UGT1A7: variants seen among roughly 807,000 people sequenced by gnomAD.
UGT1A7 encodes UDP glucuronosyltransferase family 1 member A7, also known as UDP-glucuronosyltransferase 1A7.
Under a neutral mutation model 45.6 loss-of-function variants are expected in UGT1A7, and 33 were observed. The observed-to-expected ratio is 0.72, with a 90% CI of 0.55 to 0.97. The LOEUF (loss-of-function observed/expected upper bound fraction) is 0.97. Ranked by LOEUF, UGT1A7 falls within the 50% of genes least tolerant of loss-of-function variation. The pLI, the probability that UGT1A7 is intolerant of heterozygous loss-of-function variation, is 0.00. For missense variants in UGT1A7, 684 were observed against 666.2 expected, an observed-to-expected ratio of 1.03 and a Z score of -0.29; for synonymous variants, 274 against 250.6, an observed-to-expected ratio of 1.09 and a Z score of -0.88.
chr2:233,745,781 C>A (rs1693207389), intron 1 of UGT1A7, among the ~76,000 whole-genome samples: 1 of 150,162 alleles, frequency 6.7e-6, no homozygotes, highest in Non-Finnish European at 1.5e-5. Flanking sequence ...TGAGCTTAGA[C>A]AGGGGGGCTG....
At chr2:233,700,761 G>A (rs1358984875) in intron 1 of UGT1A7, among the ~76,000 whole-genome samples, 1 of 151,532 alleles carries the variant, frequency 6.6e-6, no homozygotes, top group East Asian at 1.9e-4. Context: ...TAGGGTACAT[G>A]TGCACAACGT....
chr2:233,708,213 A>G (rs1473084405), intron 1 of UGT1A7, among the ~76,000 whole-genome samples: 1 of 152,212 alleles, frequency 6.6e-6, no homozygotes, highest in Non-Finnish European at 1.5e-5. Context: ...AGGCATTAAC[A>G]ATTTATTCTT....
intron 1 of UGT1A7, chr2:233,691,042 C>T (rs1369045618): frequency 5.1e-6 from 5 of 989,126 alleles, no homozygotes; most frequent in South Asian, 9.3e-5. Flanking sequence ...CCAACGTCCA[C>T]AGCAGAGTGG....
At position 233,682,363 on chromosome 2, in the gene UGT1A7, T is replaced by C; in HGVS notation, c.426T>C (p.Phe142=). The C allele has an allele frequency of 6.2e-7, 1 of 1,614,138 alleles. No homozygotes were observed. Among genetic ancestry groups the C allele is most frequent in the Non-Finnish European group, 8.5e-7 (1 of 1,179,974 alleles). The change falls in exon 1 of 5, where the codon TTT becomes TTC. Residue 142 remains phenylalanine (F), a synonymous_variant. Coordinates refer to ENST00000373426, the MANE Select transcript of UGT1A7 (RefSeq NM_019077.3). ...KLVEYLKESC[F]DAVFLDPFDA... Reference sequence around the variant, plus strand: ...TAGAATACTTAAAGGAGAGTTGTTTTGATGCAGTGTTTCTCGATCCTTTTG... The same window carrying C: ...TAGAATACTTAAAGGAGAGTTGTTTCGATGCAGTGTTTCTCGATCCTTTTG...
At chr2:233,757,558 A>ATATATATATATG (rs1553619909) in intron 1 of UGT1A7, among the ~76,000 whole-genome samples, 2 of 124,446 alleles carry the variant, frequency 1.6e-5, no homozygotes, top group East Asian at 4.2e-4. Context: ...ATATATATAT[A>ATATATATATATG]TATGTATATA....
intron 1 of UGT1A7, among the ~76,000 whole-genome samples, chr2:233,688,167 A>G (rs986637125): frequency 6.6e-6 from 1 of 152,182 alleles, no homozygotes; most frequent in African/African-American, 2.4e-5. Flanking sequence ...TGGGCATTTC[A>G]TGGAAATGGA....
chr2:233,697,214 T>C (rs919890050), intron 1 of UGT1A7, among the ~76,000 whole-genome samples: 2 of 152,152 alleles, frequency 1.3e-5, no homozygotes, highest in Non-Finnish European at 2.9e-5. Flanking sequence ...GTCCTGGGCT[T>C]TTCTTTGATG....
chr2:233,713,745 G>C, intron 1 of UGT1A7: 1 of 1,613,988 alleles, frequency 6.2e-7, no homozygotes, highest in African/African-American at 1.3e-5. Flanking sequence ...TGTCAGCCAT[G>C]CATCTGTGTG....
intron 1 of UGT1A7, chr2:233,717,933 C>G (rs1291638517): frequency 2.2e-6 from 1 of 454,480 alleles, no homozygotes; most frequent in Non-Finnish European, 4.4e-6. Context: ...ATACTTCAGT[C>G]TCTATGCAGA....
Position 233,769,043 on chromosome 2 carries a change from C to T in UGT1A7, c.1295+604C>T, listed in dbSNP as rs1699778649. 6.6e-6 allele frequency among the ~76,000 whole-genome samples: 1 copy of T among 152,118 alleles called. No individual in the cohort carries two copies. The highest frequency in any genetic ancestry group is 1.5e-5 in the Non-Finnish European group (1 of 68,028). On this transcript the variant is annotated intron_variant, in intron 4 of 4. Coordinates refer to ENST00000373426, the MANE Select transcript of UGT1A7 (RefSeq NM_019077.3). This position sits in a 1 kb window ranked among gnomAD's most constrained non-coding sequence, Gnocchi z 4.4. ...AAAGTTGCCATAATAGACATCTGATCCATAAGTTTCCTGCACAGAAAGAAA... is the reference window on the plus strand; with the variant it reads ...AAAGTTGCCATAATAGACATCTGATTCATAAGTTTCCTGCACAGAAAGAAA...
At chr2:233,708,998 T>C (rs1323925794) in intron 1 of UGT1A7, among the ~76,000 whole-genome samples, 1 of 152,178 alleles carries the variant, frequency 6.6e-6, no homozygotes, top group Non-Finnish European at 1.5e-5. Context: ...GGCATCCTTC[T>C]CAGTGTCATA....
chr2:233,757,296 G>T (rs1428870685), intron 1 of UGT1A7, among the ~76,000 whole-genome samples: 51 of 129,586 alleles, frequency 3.9e-4, no homozygotes, highest in African/African-American at 1.4e-3. Flanking sequence ...ACAGCTGGGG[G>T]TTGGGGGACA....
At chr2:233,731,160 C>T (rs1477166439) in intron 1 of UGT1A7, among the ~76,000 whole-genome samples, 4 of 151,954 alleles carry the variant, frequency 2.6e-5, no homozygotes, top group South Asian at 2.1e-4. Flanking sequence ...TTTGATCAAA[C>T]GACATGATTT....
At chr2:233,721,815 AC>A in intron 1 of UGT1A7, 1 of 515,300 alleles carries the variant, frequency 1.9e-6, no homozygotes. Context: ...AAAATCCAGC[AC>A]CCTATTTGGG....
chr2:233,747,354 G>T (rs753872482), intron 1 of UGT1A7: 336 of 1,602,388 alleles, frequency 2.1e-4, no homozygotes, highest in Admixed American at 4.5e-4. Context: ...GCGGGAGGCC[G>T]TGCGGGAGCT....
chr2:233,707,035 T>A (rs1409534303), intron 1 of UGT1A7, among the ~76,000 whole-genome samples: 1 of 152,090 alleles, frequency 6.6e-6, no homozygotes, highest in African/African-American at 2.4e-5. Context: ...GCCCCCAAGG[T>A]AGAGGAAGCT....
intron 3 of UGT1A7, 28 bp downstream of exon 3, chr2:233,767,964 T>C: frequency 6.2e-7 from 1 of 1,614,138 alleles, no homozygotes; most frequent in Non-Finnish European, 8.5e-7. Context: ...GATGTATAGG[T>C]CAAACCAGGG....
intron 1 of UGT1A7, among the ~76,000 whole-genome samples, chr2:233,765,526 T>G (rs1002018733): frequency 1.3e-5 from 2 of 151,960 alleles, no homozygotes; most frequent in East Asian, 3.9e-4. Flanking sequence ...AAACACCGCA[T>G]GTTCTCACTC....
At chr2:233,713,708 T>C in intron 1 of UGT1A7, 4 of 1,613,978 alleles carry the variant, frequency 2.5e-6, no homozygotes, top group Non-Finnish European at 3.4e-6. Context: ...CTGAGCTTTT[T>C]CAGAGAGAGG....
Sources: allele counts gnomAD v4.1 joint callset (sites outside exome capture counted in the v4.1 genomes callset), GRCh38; gene constraint gnomAD v4.1.1; non-coding constraint Gnocchi (gnomAD v3.1); transcripts MANE v1.5; gene names NCBI Gene and HGNC (gene_info 2026-07-23, HGNC 2026-07-21).